Variants in ZC3H3 observed in about 807,000 individuals in gnomAD.
ZC3H3 encodes the protein zinc finger CCCH domain-containing protein 3.
In ZC3H3, 36 loss-of-function variants were observed where a neutral mutation model predicts 77.3. The ratio of observed to expected loss-of-function variants is 0.47; its 90% CI spans 0.36 to 0.61. The LOEUF is 0.61. ZC3H3 is among the 20% of genes least tolerant of loss of function. The pLI, the probability that ZC3H3 is intolerant of heterozygous loss-of-function variation, is 0.00. For missense variants in ZC3H3, 1,331 were observed against 1,312.2 expected, an observed-to-expected ratio of 1.01 and a Z score of -0.22; for synonymous variants, 626 against 555.2, an observed-to-expected ratio of 1.13 and a Z score of -1.79.
intron 2 of ZC3H3, 75 bp from the exon 3 acceptor site, chr8:143,536,528 C>A: frequency 7.1e-7 from 1 of 1,402,058 alleles, no homozygotes; most frequent in South Asian, 1.5e-5. Flanking sequence ...CACCAGGACC[C>A]GAGGAGCGTG....
chr8:143,517,552 C>T (rs1822100094), intron 3 of ZC3H3, among the ~76,000 whole-genome samples: 1 of 152,164 alleles, frequency 6.6e-6, no homozygotes, highest in Non-Finnish European at 1.5e-5. Context: ...GTGCACCCAG[C>T]CTCGGTCCCC....
intron 3 of ZC3H3, among the ~76,000 whole-genome samples, chr8:143,521,587 G>A (rs962513674): frequency 4.6e-5 from 7 of 152,192 alleles, no homozygotes; most frequent in East Asian, 1.9e-4. Context: ...GGCACCCACC[G>A]GGGCAGGCAG....
Position 143,441,059 on chromosome 8 carries a change from C to T in ZC3H3, c.2369G>A (p.Gly790Asp). ...ACGGTGGAGCAGCTGGCACTGGGCG[C>T]CGCGGGGACACGCCCCCCTGCGGGC... ...DFARRGACPR[G>D]AQCQLLHRTQ... The change falls in exon 10 of 12, where the codon GGC (glycine) becomes GAC (aspartate). Residue 790 changes from glycine (G) to aspartate (D), a missense_variant. Physicochemically the swap from Gly to Asp is moderately conservative, Grantham distance 94. This residue lies in a region of ZC3H3 where 249 missense variants were observed against 236.9 expected (regional missense o/e 1.05). Transcript: ENST00000262577. The T allele has an allele frequency of 6.8e-7, 1 of 1,478,118 alleles. No homozygotes were observed. The highest frequency in any genetic ancestry group is 8.9e-7 in the Non-Finnish European group (1 of 1,125,376). The allele number at this position is 1,478,118 out of a possible 1,614,324, so 91.6% of individuals were successfully genotyped here.
Position 143,538,283 on chromosome 8 carries a change from T to C in ZC3H3, c.1084A>G (p.Arg362Gly), listed in dbSNP as rs1417500749. 3.1e-6 allele frequency: 5 copies of C among 1,612,972 alleles called. No individual in the cohort carries two copies. Among genetic ancestry groups the C allele is most frequent in the East Asian group, 2.2e-5 (1 of 44,878 alleles). ...QLIADPEPKP[R>G]KPATSSKPGS... is the part of the protein sequence containing the mutation. ...GGCTTGGAGGACGTGGCTGGCTTCC[T>C]GGGCTTGGGCTCTGGGTCAGCTATG... is the stretch of plus-strand genomic sequence containing the variant. The change falls in exon 2 of 12, where the codon AGG becomes GGG. Residue 362 changes from arginine (R) to glycine (G), a missense_variant. Coordinates refer to ENST00000262577, the MANE Select transcript of ZC3H3 (RefSeq NM_015117.3).
chr8:143,522,108 G>C (rs1822265519), intron 3 of ZC3H3, among the ~76,000 whole-genome samples: 1 of 152,222 alleles, frequency 6.6e-6, no homozygotes, highest in Admixed American at 6.5e-5. Context: ...CTGGTCCTCT[G>C]TCGGCCTTCC....
At chr8:143,450,970 A>C (rs1048138087) in intron 9 of ZC3H3, among the ~76,000 whole-genome samples, 4 of 152,200 alleles carry the variant, frequency 2.6e-5, no homozygotes, top group Admixed American at 2.0e-4. Flanking sequence ...TAAATCTAAA[A>C]TAATAACAAG....
chr8:143,492,181 A>C (rs1373525695), intron 4 of ZC3H3, among the ~76,000 whole-genome samples: 4 of 152,216 alleles, frequency 2.6e-5, no homozygotes, highest in African/African-American at 9.7e-5. Context: ...AGGGACCAGC[A>C]GGCCCAGGTC....
chr8:143,441,581 A>AGGGCT (rs938473054), intron 9 of ZC3H3, among the ~76,000 whole-genome samples: 74 of 152,160 alleles, frequency 4.9e-4, no homozygotes, highest in Admixed American at 1.4e-3. Context: ...GCACTGGGTC[A>AGGGCT]GGGCTGGGCT....
At chr8:143,470,630 G>C (rs1820537572) in intron 5 of ZC3H3, among the ~76,000 whole-genome samples, 1 of 152,238 alleles carries the variant, frequency 6.6e-6, no homozygotes, top group East Asian at 1.9e-4. Flanking sequence ...ATCTGCTCCA[G>C]GCAGGGACAC....
chr8:143,450,604 A>T (rs1475155981), intron 9 of ZC3H3, among the ~76,000 whole-genome samples: 1 of 152,158 alleles, frequency 6.6e-6, no homozygotes, highest in African/African-American at 2.4e-5. Flanking sequence ...GCAGAAGGCA[A>T]AGGGGAGGCG....
At position 143,440,233 on chromosome 8, in the gene ZC3H3, A is replaced by G; in HGVS notation, c.2623T>C (p.Ser875Pro). The G allele has an allele frequency of 6.2e-7, 1 of 1,603,702 alleles. No homozygotes were observed. The highest frequency in any genetic ancestry group is 1.3e-5 in the African/African-American group (1 of 74,940). Reference sequence around the variant, plus strand: ...GGAGGGGATGAGGAGGAGGAGGAGGAGGAGGAAGCCTTCGAGGATGAGGGA... The same window carrying G: ...GGAGGGGATGAGGAGGAGGAGGAGGGGGAGGAAGCCTTCGAGGATGAGGGA... ...ASPSSSKASS[S>P]SSSSSSPPAS... The change falls in exon 11 of 12, where the codon TCC (serine) becomes CCC (proline). Residue 875 changes from serine to proline, a missense_variant. Coordinates refer to ENST00000262577, the MANE Select transcript of ZC3H3 (RefSeq NM_015117.3).
chr8:143,442,136 C>T (rs58048227), intron 9 of ZC3H3, among the ~76,000 whole-genome samples: 1,763 of 152,038 alleles, frequency 0.012, 40 homozygotes, highest in African/African-American at 0.04. Flanking sequence ...TGGGGCTGGC[C>T]GTGAGCACCT....
chr8:143,538,333 G>A lies in ZC3H3; in HGVS notation c.1034C>T (p.Ala345Val), dbSNP rs760205060. Reference protein sequence around the residue: ...ENVCKASAGMANKVEKPQLIA... With the variant: ...ENVCKASAGMVNKVEKPQLIA... ...GAGCTGCGGCTTCTCCACCTTGTTT[G>A]CCATGCCAGCAGAGGCCTTGCACAC... Residue 345 changes from alanine to valine, a missense_variant, in exon 2 of 12, where the codon GCA (alanine) becomes GTA (valine). Transcript: ENST00000262577. 1.3e-5 allele frequency: 21 copies of A among 1,612,868 alleles called. No individual in the cohort carries two copies. Among genetic ancestry groups the A allele is most frequent in the Non-Finnish European group, 1.7e-5 (20 of 1,180,048 alleles).
intron 5 of ZC3H3, among the ~76,000 whole-genome samples, chr8:143,474,438 G>A (rs1285834402): frequency 1.3e-5 from 2 of 152,258 alleles, no homozygotes; most frequent in African/African-American, 4.8e-5. Context: ...CTGTGGGGCA[G>A]GTGCCAGGGC....
At chr8:143,459,041 T>C (rs943994135) in intron 9 of ZC3H3, among the ~76,000 whole-genome samples, 5 of 152,176 alleles carry the variant, frequency 3.3e-5, no homozygotes, top group African/African-American at 9.6e-5. Context: ...TGAATTCTAC[T>C]AAAACATTTA....
chr8:143,529,005 G>A (rs553910922), intron 3 of ZC3H3, among the ~76,000 whole-genome samples: 8 of 152,228 alleles, frequency 5.3e-5, no homozygotes, highest in Admixed American at 6.5e-5. Context: ...CCATGGTGGC[G>A]GGGTGGCTGG....
At chr8:143,461,475 T>C in intron 9 of ZC3H3, among the ~76,000 whole-genome samples, 1 of 152,098 alleles carries the variant, frequency 6.6e-6, no homozygotes, top group Non-Finnish European at 1.5e-5. Context: ...AGCCCTGCAG[T>C]GACCCTATGG....
rs150913067 is a variant in ZC3H3 at position 143,515,141 on chromosome 8, T to C, written c.1562-7242A>G. 3.9e-3 allele frequency among the ~76,000 whole-genome samples: 596 copies of C among 152,316 alleles called. 4 individuals carry two copies. Among genetic ancestry groups the C allele is most frequent in the African/African-American group, 0.013 (550 of 41,574 alleles). On this transcript the variant is annotated intron_variant, in intron 3 of 11. Coordinates refer to ENST00000262577, the MANE Select transcript of ZC3H3 (RefSeq NM_015117.3). ...CAGTCCCTGGGGCCCAGGCCTGCCA[T>C]GGGGCTCCCGCCTCGCTCCCCGATC...
At chr8:143,456,996 C>T (rs1820139433) in intron 9 of ZC3H3, among the ~76,000 whole-genome samples, 1 of 152,208 alleles carries the variant, frequency 6.6e-6, no homozygotes, top group African/African-American at 2.4e-5. Flanking sequence ...GACAAATCCA[C>T]AATTATAGTT....
Sources: allele counts gnomAD v4.1 joint callset (sites outside exome capture counted in the v4.1 genomes callset), GRCh38; gene constraint gnomAD v4.1.1; regional missense constraint gnomAD v4.1.1; transcripts MANE v1.5; gene names NCBI Gene and HGNC (gene_info 2026-07-23, HGNC 2026-07-21).